FAM171A1: variants seen among roughly 807,000 people sequenced by gnomAD.
The protein encoded by FAM171A1 is protein FAM171A1.
A neutral mutation model predicts 74.9 loss-of-function variants in FAM171A1; 23 were observed. That is an observed-to-expected ratio of 0.31 (90% CI 0.22 to 0.44). The LOEUF (loss-of-function observed/expected upper bound fraction) is 0.44. Among genes scored for constraint, FAM171A1 ranks in the 20% least tolerant of loss-of-function variants. FAM171A1 has a pLI of 1.00. For missense variants in FAM171A1, 1,162 were observed against 1,159.2 expected, an observed-to-expected ratio of 1.00 and a Z score of -0.03; for synonymous variants, 527 against 505.7, an observed-to-expected ratio of 1.04 and a Z score of -0.57.
At chr10:15,296,946 G>C (rs969895940) in intron 1 of FAM171A1, among the ~76,000 whole-genome samples, 3 of 152,260 alleles carry the variant, frequency 2.0e-5, no homozygotes, top group South Asian at 4.2e-4. Flanking sequence ...TGGTAGACTC[G>C]ACAGCTACAG....
chr10:15,241,820 C>A (rs979712168), intron 5 of FAM171A1: 1 of 152,086 alleles, frequency 6.6e-6, no homozygotes. Flanking sequence ...AGTTAGCAGG[C>A]TTTGCATTAA....
intron 1 of FAM171A1, among the ~76,000 whole-genome samples, chr10:15,313,860 T>C (rs1835392257): frequency 6.6e-6 from 1 of 152,156 alleles, no homozygotes; most frequent in Admixed American, 6.5e-5. Context: ...GCCTCCACCT[T>C]CCCCAACCGA....
chr10:15,248,884 A>C, intron 4 of FAM171A1, 69 bp from the exon 5 acceptor site: 1 of 1,441,094 alleles, frequency 6.9e-7, no homozygotes, highest in East Asian at 2.5e-5. Context: ...AAACCTTTGC[A>C]AAAAAATAGT....
At chr10:15,334,269 AC>A (rs1234848490) in intron 1 of FAM171A1, among the ~76,000 whole-genome samples, 1 of 152,120 alleles carries the variant, frequency 6.6e-6, no homozygotes, top group East Asian at 1.9e-4. Context: ...TGGGTTTTTG[AC>A]CTTGGCTCTG....
chr10:15,255,455 G>C (rs1486342285), intron 3 of FAM171A1, among the ~76,000 whole-genome samples: 1 of 152,122 alleles, frequency 6.6e-6, no homozygotes, highest in Non-Finnish European at 1.5e-5. Context: ...AGTCTATTCT[G>C]GAGGCGTGCT....
intron 1 of FAM171A1, among the ~76,000 whole-genome samples, chr10:15,285,926 C>G (rs927906899): frequency 4.6e-5 from 7 of 152,190 alleles, no homozygotes; most frequent in Admixed American, 2.0e-4. Flanking sequence ...TGGCACACAC[C>G]CTGGGGTTCT....
At chr10:15,251,547 C>G (rs1026689620) in intron 4 of FAM171A1, among the ~76,000 whole-genome samples, 5 of 151,880 alleles carry the variant, frequency 3.3e-5, no homozygotes, top group Non-Finnish European at 4.4e-5. Flanking sequence ...GGACAACAGG[C>G]ACACACCACC....
intron 4 of FAM171A1, among the ~76,000 whole-genome samples, chr10:15,252,012 G>A (rs1482379449): frequency 6.6e-6 from 1 of 152,172 alleles, no homozygotes; most frequent in East Asian, 1.9e-4. Flanking sequence ...GACATCTAAG[G>A]TTCTGTTGGG....
At chr10:15,295,921 C>G (rs961731957) in intron 1 of FAM171A1, among the ~76,000 whole-genome samples, 1 of 152,224 alleles carries the variant, frequency 6.6e-6, no homozygotes, top group Non-Finnish European at 1.5e-5. Flanking sequence ...CACCAGAAAA[C>G]TGCTTGATCA....
intron 2 of FAM171A1, among the ~76,000 whole-genome samples, chr10:15,280,382 G>A (rs1834952181): frequency 6.6e-6 from 1 of 152,234 alleles, no homozygotes; most frequent in Non-Finnish European, 1.5e-5. Context: ...CAACTGGACT[G>A]GAGGCCATTG....
At chr10:15,222,961 T>C (rs1194045892) in intron 5 of FAM171A1, among the ~76,000 whole-genome samples, 4 of 152,238 alleles carry the variant, frequency 2.6e-5, no homozygotes, top group Non-Finnish European at 4.4e-5. Flanking sequence ...TTCTGGTCCA[T>C]TTCCTGAAGC....
chr10:15,263,033 C>T (rs1229490138), intron 3 of FAM171A1, among the ~76,000 whole-genome samples: 1 of 152,202 alleles, frequency 6.6e-6, no homozygotes, highest in South Asian at 2.1e-4. Flanking sequence ...AAGCTTCCCA[C>T]AGCAGCTGCC....
At chr10:15,262,912 G>A (rs371518428) in intron 3 of FAM171A1, among the ~76,000 whole-genome samples, 4 of 152,214 alleles carry the variant, frequency 2.6e-5, no homozygotes, top group East Asian at 1.9e-4. Flanking sequence ...AAGACCACTC[G>A]GGAAGGCGTG....
intron 1 of FAM171A1, among the ~76,000 whole-genome samples, chr10:15,363,689 C>A (rs1230544840): frequency 6.6e-6 from 1 of 152,170 alleles, no homozygotes; most frequent in East Asian, 1.9e-4. Flanking sequence ...TCCCATATGA[C>A]TCCACCAAGC....
chr10:15,258,079 CAG>C (rs1834604218), intron 3 of FAM171A1, among the ~76,000 whole-genome samples: 1 of 151,952 alleles, frequency 6.6e-6, no homozygotes, highest in Non-Finnish European at 1.5e-5. Flanking sequence ...TTTTTTTTCT[CAG>C]AGAGAGTCTT....
At chr10:15,256,850 C>T (rs976499998) in intron 3 of FAM171A1, among the ~76,000 whole-genome samples, 1 of 152,208 alleles carries the variant, frequency 6.6e-6, no homozygotes, top group Non-Finnish European at 1.5e-5. Context: ...ACATGGCGCA[C>T]AGCTTGCTTT....
At chr10:15,288,972 G>A (rs538200719) in intron 1 of FAM171A1, among the ~76,000 whole-genome samples, 15 of 152,062 alleles carry the variant, frequency 9.9e-5, no homozygotes, top group African/African-American at 3.1e-4. Context: ...ACAGGCTTGC[G>A]CCATCACGCG....
chr10:15,248,682 C>G lies in FAM171A1; in HGVS notation c.711G>C (p.Arg237Ser). The G allele has an allele frequency of 6.2e-7, 1 of 1,612,376 alleles. No individual in the cohort carries two copies. The highest frequency in any genetic ancestry group is 8.5e-7 in the Non-Finnish European group (1 of 1,179,208). ...TVPLATQSSLRHNAYVAAWRF... is the reference protein window; with the variant it reads ...TVPLATQSSLSHNAYVAAWRF... ...GCCACGCCGCGACATAGGCATTGTGCCTCAGGCTGCTCTGCGTGGCCAGGG... is the reference window on the plus strand; with the variant it reads ...GCCACGCCGCGACATAGGCATTGTGGCTCAGGCTGCTCTGCGTGGCCAGGG... Residue 237 changes from arginine (R) to serine (S), a missense_variant, in exon 5 of 8, where the codon AGG becomes AGC. Physicochemically the swap from Arg to Ser is moderately radical, Grantham distance 110. Transcript: ENST00000378116.
chr10:15,226,453 C>T (rs79929901), intron 5 of FAM171A1, among the ~76,000 whole-genome samples: 7,419 of 152,222 alleles, frequency 0.049, 200 homozygotes, highest in African/African-American at 0.077. Flanking sequence ...GAAACTAATA[C>T]ATGAAACAGA....
Sources: gnomAD v4.1 joint callset for allele counts (sites outside exome capture counted in the v4.1 genomes callset) on GRCh38, gnomAD v4.1.1 for gene constraint, MANE v1.5 for transcripts, NCBI Gene and HGNC (gene_info 2026-07-23, HGNC 2026-07-21) for gene names.